The following RBM41 variants were observed in gnomAD, a reference collection of about 807,000 sequenced individuals.
The protein encoded by RBM41 is RNA binding motif protein 41.
Under a neutral mutation model 30.8 loss-of-function variants are expected in RBM41, and 14 were observed. The ratio of observed to expected loss-of-function variants is 0.45; its 90% CI spans 0.30 to 0.71. RBM41 has a LOEUF of 0.71. Ranked by LOEUF, RBM41 falls within the 30% of genes least tolerant of loss-of-function variation. The pLI is 0.08. For missense variants in RBM41, 276 were observed against 326.3 expected, an observed-to-expected ratio of 0.85 and a Z score of 1.19; for synonymous variants, 120 against 110.1, an observed-to-expected ratio of 1.09 and a Z score of -0.56.
intron 6 of RBM41, among the ~76,000 whole-genome samples, chrX:107,077,916 TTAATG>T (rs1269363752): frequency 1.8e-5 from 2 of 111,710 alleles, no homozygotes; most frequent in Non-Finnish European, 3.8e-5. Flanking sequence ...ATATCTTACA[TTAATG>T]TAATGTAATG....
intron 4 of RBM41, chrX:107,114,923 T>C (rs1924772532): frequency 8.1e-6 from 1 of 123,918 alleles, no homozygotes; most frequent in African/African-American, 3.2e-5. Flanking sequence ...CCTCCTGTCA[T>C]TCCCTGCCAC....
At chrX:107,118,173 G>C (rs1013766456) in intron 1 of RBM41, among the ~76,000 whole-genome samples, 3 of 110,491 alleles carry the variant, frequency 2.7e-5, no homozygotes, top group African/African-American at 6.6e-5. Context: ...GGACAAGTAA[G>C]GGGAACTGAG....
At chrX:107,110,475 G>A (rs755743637) in intron 5 of RBM41, among the ~76,000 whole-genome samples, 16 of 111,379 alleles carry the variant, frequency 1.4e-4, no homozygotes, top group Non-Finnish European at 2.8e-4. Context: ...GACATCCCAT[G>A]TTCATGACTT....
intron 5 of RBM41, among the ~76,000 whole-genome samples, chrX:107,103,174 GACTGT>G (rs1226441069): frequency 1.8e-5 from 2 of 111,334 alleles, no homozygotes; most frequent in African/African-American, 3.3e-5. Context: ...CCAGAGGGCA[GACTGT>G]ACTAGGTTGA....
chrX:107,092,975 A>G (rs1922675292), intron 5 of RBM41, among the ~76,000 whole-genome samples: 1 of 112,204 alleles, frequency 8.9e-6, no homozygotes, highest in Non-Finnish European at 1.9e-5. Context: ...TTCATCTAAG[A>G]AGAATTAATT....
intron 7 of RBM41, among the ~76,000 whole-genome samples, chrX:107,068,077 TATC>T (rs1001452550): frequency 2.2e-4 from 25 of 111,523 alleles, no homozygotes; most frequent in African/African-American, 8.1e-4. Flanking sequence ...CAAAAGAAGT[TATC>T]ATGTTATCAA....
chrX:107,052,702 G>A, the RBM41 span, among the ~76,000 whole-genome samples: 4 of 111,571 alleles, frequency 3.6e-5, no homozygotes, highest in Non-Finnish European at 7.5e-5. Context: ...TTCAATTCTG[G>A]AAGAGACAAA....
chrX:107,076,158 A>G (rs1344505656), intron 6 of RBM41, among the ~76,000 whole-genome samples: 2 of 108,989 alleles, frequency 1.8e-5, no homozygotes, highest in Admixed American at 9.9e-5. Flanking sequence ...TCTACTAAAA[A>G]TGCAAAAAAT....
In RBM41 at chrX:107,062,283, C is replaced by T. The variant is rs750217208; in HGVS notation, c.*5244G>A. ...AGGATTCCATTGCATGGATATACTACGGTTTATCTATGCACCAGTTGAAGG... is the reference window on the plus strand; with the variant it reads ...AGGATTCCATTGCATGGATATACTATGGTTTATCTATGCACCAGTTGAAGG... On this transcript the variant is annotated 3_prime_UTR_variant, in exon 8 of 8. Coordinates refer to ENST00000685964, the MANE Select transcript of RBM41 (RefSeq NM_001324242.2). Among the ~76,000 whole-genome samples the T allele has an allele frequency of 3.6e-5, 4 of 111,741 alleles. No individual in the cohort carries two copies. The highest frequency in any genetic ancestry group is 7.6e-4 in the South Asian group (2 of 2,649).
chrX:107,079,140 A>G (rs1921269595), intron 6 of RBM41, among the ~76,000 whole-genome samples: 1 of 111,537 alleles, frequency 9.0e-6, no homozygotes, highest in African/African-American at 3.3e-5. Flanking sequence ...GGGTCCTTTC[A>G]TCTCACAGAA....
intron 6 of RBM41, chrX:107,070,058 A>G (rs926994055): frequency 3.9e-6 from 1 of 257,726 alleles, no homozygotes; most frequent in African/African-American, 2.9e-5. Context: ...AAGAATCCTT[A>G]AATAGTTCAG....
chrX:107,118,419 C>T (rs934922280), intron 1 of RBM41, among the ~76,000 whole-genome samples: 3 of 111,274 alleles, frequency 2.7e-5, no homozygotes, highest in African/African-American at 9.8e-5. Context: ...GGGGCTGGCC[C>T]GAGGTACCTA....
At chrX:107,103,303 G>T (rs1052052781) in intron 5 of RBM41, among the ~76,000 whole-genome samples, 2 of 110,440 alleles carry the variant, frequency 1.8e-5, no homozygotes, top group Admixed American at 9.7e-5. Context: ...GATTAGGGTG[G>T]GGCCTAAATC....
chrX:107,113,606 T>G, intron 4 of RBM41, 138 bp from the exon 5 acceptor site: 1 of 768,640 alleles, frequency 1.3e-6, no homozygotes, highest in Non-Finnish European at 1.7e-6. Flanking sequence ...TTAGTAACCC[T>G]GTAACATAGC....
At chrX:107,089,293 G>A (rs957702160) in intron 5 of RBM41, among the ~76,000 whole-genome samples, 2 of 111,290 alleles carry the variant, frequency 1.8e-5, no homozygotes, top group South Asian at 3.8e-4. Flanking sequence ...ACAGTGCCTC[G>A]TCTCTCCCAT....
At chrX:107,056,460 T>G in the RBM41 span, among the ~76,000 whole-genome samples, 1 of 112,124 alleles carries the variant, frequency 8.9e-6, no homozygotes, top group South Asian at 3.7e-4. Context: ...TGAGAAAGAT[T>G]GGTGTTAATT....
At chrX:107,069,485 C>T in intron 6 of RBM41, 83 bp from the exon 7 acceptor site, 1 of 1,038,872 alleles carries the variant, frequency 9.6e-7, no homozygotes, top group African/African-American at 1.9e-5. Flanking sequence ...GACAAAGTCT[C>T]ACTCTGTCAC....
At chrX:107,072,257 GTC>G (rs1936092784) in intron 6 of RBM41, among the ~76,000 whole-genome samples, 1 of 110,988 alleles carries the variant, frequency 9.0e-6, no homozygotes, top group African/African-American at 3.3e-5. Flanking sequence ...ACCTGAAAGA[GTC>G]TACCAAAAAG....
At position 107,063,748 on chromosome X, in the gene RBM41, CAGA is replaced by C. The variant is rs762201474; in HGVS notation, c.*3776_*3778del. ...TCTCCTTTTTTCCTGGTCAGTCTAG[CAGA>C]AGGTGTGTCAGTTTTACTGATCTTT... On this transcript the variant is annotated 3_prime_UTR_variant, in exon 8 of 8. Transcript: ENST00000685964. 1.8e-5 allele frequency among the ~76,000 whole-genome samples: 2 copies of C among 110,746 alleles called. No individual in the cohort carries two copies. Among genetic ancestry groups the C allele is most frequent in the African/African-American group, 3.3e-5 (1 of 30,482 alleles).
Sources: gnomAD v4.1 joint callset for allele counts (sites outside exome capture counted in the v4.1 genomes callset) on GRCh38, gnomAD v4.1.1 for gene constraint, MANE v1.5 for transcripts, NCBI Gene and HGNC (gene_info 2026-07-23, HGNC 2026-07-21) for gene names.